CACNA2D3: variants seen among roughly 807,000 people sequenced by gnomAD.
The protein encoded by CACNA2D3 is calcium voltage-gated channel auxiliary subunit alpha2delta 3, also known as voltage-dependent calcium channel subunit alpha-2/delta-3.
Under a neutral mutation model 160.6 loss-of-function variants are expected in CACNA2D3, and 60 were observed. The observed-to-expected ratio is 0.37, with a 90% confidence interval of 0.30 to 0.46. The LOEUF (loss-of-function observed/expected upper bound fraction) is 0.46, where lower values mean the gene tolerates loss of function less well. Ranked by LOEUF, CACNA2D3 falls within the 20% of genes least tolerant of loss-of-function variation. The pLI is 1.00. For synonymous variants in CACNA2D3, 558 were observed against 492.9 expected, an observed-to-expected ratio of 1.13 and a Z score of -1.75; for missense variants, 1,205 against 1,365.0, an observed-to-expected ratio of 0.88 and a Z score of 1.85.
chr3:54,457,213 T>C (rs1269579221), intron 4 of CACNA2D3, among the ~76,000 whole-genome samples: 1 of 152,080 alleles, frequency 6.6e-6, no homozygotes. Flanking sequence ...AACTTCCCTC[T>C]TAATACTGCC....
chr3:54,522,050 G>C (rs1701654096), intron 5 of CACNA2D3, among the ~76,000 whole-genome samples: 1 of 152,114 alleles, frequency 6.6e-6, no homozygotes, highest in African/African-American at 2.4e-5. Context: ...ATGTATTTTA[G>C]AATCAGTTTG....
chr3:54,867,692 A>G (rs955071277), intron 17 of CACNA2D3, among the ~76,000 whole-genome samples: 10 of 152,198 alleles, frequency 6.6e-5, no homozygotes, highest in African/African-American at 2.4e-4. Flanking sequence ...CACTGGCTTC[A>G]TGCCCAGGAA....
intron 2 of CACNA2D3, among the ~76,000 whole-genome samples, chr3:54,217,752 A>G (rs1489226844): frequency 1.3e-5 from 2 of 152,130 alleles, no homozygotes; most frequent in African/African-American, 2.4e-5. Context: ...ATGTTAATCT[A>G]AGATGCATGG....
At chr3:54,631,973 G>C (rs1448812738) in intron 10 of CACNA2D3, 1 of 152,222 alleles carries the variant, frequency 6.6e-6, no homozygotes, top group Non-Finnish European at 1.5e-5. Context: ...ATGTCAGGAT[G>C]CATTGAAAAT....
intron 11 of CACNA2D3, among the ~76,000 whole-genome samples, chr3:54,653,019 G>A (rs558468817): frequency 6.6e-6 from 1 of 152,222 alleles, no homozygotes; most frequent in South Asian, 2.1e-4. Flanking sequence ...CTGACCTCAA[G>A]TGATCCACCT....
chr3:54,565,766 C>T (rs1016436490), intron 6 of CACNA2D3, among the ~76,000 whole-genome samples: 12 of 152,262 alleles, frequency 7.9e-5, no homozygotes, highest in African/African-American at 2.9e-4. Context: ...AAGGGACCAG[C>T]CTTATCTTTC....
chr3:54,480,654 T>A (rs1700918238), intron 4 of CACNA2D3, among the ~76,000 whole-genome samples: 1 of 152,132 alleles, frequency 6.6e-6, no homozygotes, highest in African/African-American at 2.4e-5. Context: ...GCTGGCCAAC[T>A]TGGGCTGCCT....
chr3:54,294,190 C>T (rs72986082), intron 2 of CACNA2D3, among the ~76,000 whole-genome samples: 3,099 of 152,252 alleles, frequency 0.02, 94 homozygotes, highest in African/African-American at 0.071. Context: ...AACAGCCTGT[C>T]CCACAGTGAT....
rs142368805 is a variant in CACNA2D3, at chr3:54,737,962, A to G, written c.1168-14637A>G. Among the ~76,000 whole-genome samples, 877 of 152,252 alleles carry G rather than the reference A, an allele frequency of 5.8e-3. 15 individuals carry two copies. Among genetic ancestry groups the G allele is most frequent in the African/African-American group, 0.02 (837 of 41,564 alleles). On this transcript the variant is annotated intron_variant, in intron 11 of 37. Transcript: ENST00000474759. ...ATTACAGGTGTGAGCCACCATGCCC[A>G]GCCAGAGGGACTCTATCTTATTCCT...
chr3:54,841,500 G>A (rs1698819312), intron 16 of CACNA2D3, among the ~76,000 whole-genome samples: 1 of 152,166 alleles, frequency 6.6e-6, no homozygotes, highest in South Asian at 2.1e-4. Flanking sequence ...AAAGGGGTAC[G>A]TGTCAGCCAG....
At chr3:54,535,943 A>G (rs1216301888) in intron 5 of CACNA2D3, among the ~76,000 whole-genome samples, 1 of 152,238 alleles carries the variant, frequency 6.6e-6, no homozygotes, top group Non-Finnish European at 1.5e-5. Context: ...AGAATGACCC[A>G]AAATAAAAGA....
intron 29 of CACNA2D3, among the ~76,000 whole-genome samples, chr3:54,978,407 G>A (rs1702436282): frequency 6.6e-6 from 1 of 152,114 alleles, no homozygotes; most frequent in African/African-American, 2.4e-5. Flanking sequence ...CTAACTATTG[G>A]GTCTCTTGCA....
At chr3:54,808,402 A>T (rs1042431364) in intron 13 of CACNA2D3, among the ~76,000 whole-genome samples, 5 of 151,954 alleles carry the variant, frequency 3.3e-5, no homozygotes, top group African/African-American at 1.2e-4. Flanking sequence ...CTATTTGATG[A>T]TCTTTCCCCA....
chr3:54,900,449 T>TA (rs1202869128), intron 27 of CACNA2D3, among the ~76,000 whole-genome samples: 6 of 152,130 alleles, frequency 3.9e-5, no homozygotes, highest in African/African-American at 1.4e-4. Flanking sequence ...TTTTTAGGAG[T>TA]GTCAGCAGCT....
intron 4 of CACNA2D3, among the ~76,000 whole-genome samples, chr3:54,392,963 C>T (rs1433162301): frequency 6.6e-6 from 1 of 152,108 alleles, no homozygotes; most frequent in Non-Finnish European, 1.5e-5. Context: ...AGTGCTTGTC[C>T]CCCGCCACCC....
intron 2 of CACNA2D3, among the ~76,000 whole-genome samples, chr3:54,240,152 G>C (rs1464663933): frequency 6.6e-6 from 1 of 152,152 alleles, no homozygotes; most frequent in Non-Finnish European, 1.5e-5. Flanking sequence ...GAGGGAGTTT[G>C]GAATAGTCAA....
chr3:55,009,478 A>G lies in CACNA2D3; in HGVS notation c.2875+35A>G, dbSNP rs542815986. 149 of 1,596,658 alleles carry G rather than the reference A, an allele frequency of 9.3e-5. No individual in the cohort carries two copies. The South Asian group carries it at 1.5e-3, about 17-fold the overall frequency. On this transcript the variant is annotated intron_variant, in intron 34 of 37. Coordinates refer to ENST00000474759, the MANE Select transcript of CACNA2D3 (RefSeq NM_018398.3). ...AACTGGTTTCTGTTTCCCAGCTTGGAGGGATAAGCGCTGGGTTCACTGGCT... is the reference window on the plus strand; with the variant it reads ...AACTGGTTTCTGTTTCCCAGCTTGGGGGGATAAGCGCTGGGTTCACTGGCT...
intron 5 of CACNA2D3, among the ~76,000 whole-genome samples, chr3:54,533,678 G>A (rs1701840677): frequency 6.6e-6 from 1 of 152,186 alleles, no homozygotes; most frequent in South Asian, 2.1e-4. Flanking sequence ...CTCAAAAGAG[G>A]CACTGCATAA....
At chr3:54,326,074 G>T (rs1428951613) in intron 3 of CACNA2D3, among the ~76,000 whole-genome samples, 1 of 152,190 alleles carries the variant, frequency 6.6e-6, no homozygotes, top group Non-Finnish European at 1.5e-5. Context: ...AGTAATTGCT[G>T]TTGTACAGTA....
Sources: gnomAD v4.1 joint callset for allele counts (sites outside exome capture counted in the v4.1 genomes callset) on GRCh38, gnomAD v4.1.1 for gene constraint, MANE v1.5 for transcripts, NCBI Gene and HGNC (gene_info 2026-07-23, HGNC 2026-07-21) for gene names.